The following JAK1 variants were observed in gnomAD, a reference collection of about 807,000 sequenced individuals.
JAK1 encodes the protein Janus kinase 1.
A neutral mutation model predicts 136.6 loss-of-function variants in JAK1; 16 were observed. The observed-to-expected ratio is 0.12, with a 90% CI of 0.08 to 0.18. JAK1 has a LOEUF of 0.18. Ranked by LOEUF, JAK1 falls within the 10% of genes least tolerant of loss-of-function variation. JAK1 has a pLI of 1.00. For missense variants in JAK1, 859 were observed against 1,450.1 expected, an observed-to-expected ratio of 0.59 and a Z score of 6.62; for synonymous variants, 492 against 519.5, an observed-to-expected ratio of 0.95 and a Z score of 0.72.
At chr1:64,918,917 C>T (rs1430917899) in intron 1 of JAK1, among the ~76,000 whole-genome samples, 1 of 151,988 alleles carries the variant, frequency 6.6e-6, no homozygotes, top group Non-Finnish European at 1.5e-5. Context: ...ATGGCAGCAA[C>T]TTTTTTTTCG....
At chr1:64,964,041 T>C (rs555491233) in intron 1 of JAK1, among the ~76,000 whole-genome samples, 1 of 152,292 alleles carries the variant, frequency 6.6e-6, no homozygotes, top group African/African-American at 2.4e-5. Context: ...GAAAGTTCCT[T>C]CCAACACTCC....
At chr1:65,050,355 G>A (rs1458865550) in intron 1 of JAK1, among the ~76,000 whole-genome samples, 1 of 152,224 alleles carries the variant, frequency 6.6e-6, no homozygotes, top group Non-Finnish European at 1.5e-5. Context: ...TCAGACCTAG[G>A]CAGGATGTCA....
At chr1:64,980,557 T>C (rs1219913015) in intron 2 of JAK1, among the ~76,000 whole-genome samples, 1 of 151,836 alleles carries the variant, frequency 6.6e-6, no homozygotes, top group South Asian at 2.1e-4. Context: ...CAATTTTCTT[T>C]TTTTTTTTTA....
intron 2 of JAK1, among the ~76,000 whole-genome samples, chr1:65,020,225 CAAAAA>C (rs375362876): frequency 5.9e-5 from 3 of 50,790 alleles, no homozygotes; most frequent in African/African-American, 2.0e-4. Context: ...AACTCCGTCT[CAAAAA>C]AAAAAAAAAA....
chr1:64,838,955 C>T (rs1654679943), intron 20 of JAK1, among the ~76,000 whole-genome samples: 1 of 151,490 alleles, frequency 6.6e-6, no homozygotes, highest in South Asian at 2.1e-4. Flanking sequence ...ACCATCCTGG[C>T]TAACACGGTG....
At chr1:64,932,613 C>G (rs987746300) in intron 1 of JAK1, among the ~76,000 whole-genome samples, 1 of 152,144 alleles carries the variant, frequency 6.6e-6, no homozygotes, top group Non-Finnish European at 1.5e-5. Context: ...CTTTAATTTT[C>G]ATTTTGAAAT....
intron 1 of JAK1, among the ~76,000 whole-genome samples, chr1:65,046,833 A>T (rs1024513821): frequency 1.6e-5 from 2 of 127,204 alleles, no homozygotes; most frequent in Non-Finnish European, 3.4e-5. Flanking sequence ...TACAGGTGTG[A>T]GCCACCGCAG....
intron 1 of JAK1, among the ~76,000 whole-genome samples, chr1:64,900,610 C>T (rs1222798361): frequency 6.6e-6 from 1 of 152,166 alleles, no homozygotes; most frequent in Admixed American, 6.5e-5. Flanking sequence ...TGTTCTAACT[C>T]TGTTGTCTCT....
At chr1:64,985,288 T>C in intron 2 of JAK1, 3 of 1,609,698 alleles carry the variant, frequency 1.9e-6, no homozygotes, top group Admixed American at 1.7e-5. Flanking sequence ...GAAATGATGA[T>C]GGGCTGTCGG....
At chr1:64,888,119 C>A (rs1214480074) in intron 1 of JAK1, among the ~76,000 whole-genome samples, 1 of 152,180 alleles carries the variant, frequency 6.6e-6, no homozygotes, top group Non-Finnish European at 1.5e-5. Flanking sequence ...CAGGCCCAGG[C>A]TCCATTCAGA....
chr1:64,966,550 A>C (rs1646385049), upstream of JAK1: 5 of 148,574 alleles, frequency 3.4e-5, no homozygotes, highest in South Asian at 1.0e-3. Context: ...TCAGCGACGC[A>C]CCGCCTCCCG....
intron 1 of JAK1, among the ~76,000 whole-genome samples, chr1:64,938,223 C>T (rs1044191327): frequency 6.6e-6 from 1 of 151,594 alleles, no homozygotes; most frequent in African/African-American, 2.4e-5. Flanking sequence ...AAAAAAAGTT[C>T]AATTATACAA....
chr1:65,014,687 CTTT>C (rs766477302), intron 2 of JAK1, among the ~76,000 whole-genome samples: 4 of 142,742 alleles, frequency 2.8e-5, no homozygotes, highest in African/African-American at 5.1e-5. Context: ...TTATTCTATT[CTTT>C]TTTTTTTTTT....
chr1:64,903,540 C>T (rs1352340212), intron 1 of JAK1, among the ~76,000 whole-genome samples: 5 of 152,128 alleles, frequency 3.3e-5, no homozygotes, highest in Non-Finnish European at 7.4e-5. Context: ...GGACAGGAAG[C>T]CTAGTGGATA....
rs370285620 is a variant in JAK1 at position 64,847,607 on chromosome 1, G to A, written c.1824C>T (p.Asp608=). 7.9e-5 allele frequency: 127 copies of A among 1,614,058 alleles called. No individual in the cohort carries two copies. The highest frequency in any genetic ancestry group is 1.6e-4 in the East Asian group (7 of 44,874). ...TCTTCTTCTCTTCAGAAGTTCCTTC[G>A]TCATCCTTGTAATCCATCAGGGTCC... The part of the protein sequence containing the change: ...YSGTLMDYKD[D]EGTSEEKKIK... Residue 608 remains aspartate, a synonymous_variant, in exon 13 of 25, where the codon GAC becomes GAT. Coordinates refer to ENST00000342505, the MANE Select transcript of JAK1 (RefSeq NM_002227.4).
chr1:64,861,521 G>A (rs1308177856), intron 8 of JAK1, among the ~76,000 whole-genome samples: 2 of 152,138 alleles, frequency 1.3e-5, no homozygotes, highest in East Asian at 3.9e-4. Context: ...CCTGGCAAGG[G>A]AAGGTATGCA....
At chr1:64,996,040 G>A (rs1646701049) in intron 2 of JAK1, among the ~76,000 whole-genome samples, 1 of 152,156 alleles carries the variant, frequency 6.6e-6, no homozygotes, top group South Asian at 2.1e-4. Flanking sequence ...ACTGCGCCTG[G>A]CTGACATTGG....
chr1:64,840,126 C>T (rs1367807179), intron 19 of JAK1, among the ~76,000 whole-genome samples: 1 of 152,212 alleles, frequency 6.6e-6, no homozygotes, highest in Non-Finnish European at 1.5e-5. Context: ...GCCCTGGGCT[C>T]ACGTTACAGG....
intron 1 of JAK1, among the ~76,000 whole-genome samples, chr1:64,889,456 G>A (rs1644901860): frequency 6.6e-6 from 1 of 151,970 alleles, no homozygotes; most frequent in Admixed American, 6.6e-5. Context: ...CCTTTCTTTT[G>A]GTGACAGAGG....
Sources: allele counts gnomAD v4.1 joint callset (sites outside exome capture counted in the v4.1 genomes callset), GRCh38; gene constraint gnomAD v4.1.1; transcripts MANE v1.5; gene names NCBI Gene and HGNC (gene_info 2026-07-23, HGNC 2026-07-21).